The following SMAP1 variants were observed in gnomAD, a reference collection of about 807,000 sequenced individuals.
The protein encoded by SMAP1 is stromal membrane-associated protein 1.
A neutral mutation model predicts 58.5 loss-of-function variants in SMAP1; 24 were observed. That is an observed-to-expected ratio of 0.41 (90% CI 0.30 to 0.58). The LOEUF (loss-of-function observed/expected upper bound fraction) is 0.58, where lower values mean the gene tolerates loss of function less well. Among genes scored for constraint, SMAP1 ranks in the 20% least tolerant of loss-of-function variants. The pLI, the probability that SMAP1 is intolerant of heterozygous loss-of-function variation, is 0.29. For synonymous variants in SMAP1, 216 were observed against 196.6 expected (o/e 1.10, Z -0.82); for missense variants, 563 against 566.3 (o/e 0.99, Z 0.06).
At chr6:70,771,043 A>T (rs1310405566) in intron 3 of SMAP1, among the ~76,000 whole-genome samples, 1 of 152,196 alleles carries the variant, frequency 6.6e-6, no homozygotes. Flanking sequence ...GGGTACCAGC[A>T]GTGGTGGCTA....
chr6:70,704,285 A>G (rs1028413174), intron 1 of SMAP1, among the ~76,000 whole-genome samples: 7 of 152,204 alleles, frequency 4.6e-5, no homozygotes, highest in African/African-American at 4.8e-5. Context: ...TTCTGTTCCA[A>G]TGAAAGCTTG....
At chr6:70,797,905 G>T (rs1415425541) in intron 5 of SMAP1, among the ~76,000 whole-genome samples, 1 of 152,024 alleles carries the variant, frequency 6.6e-6, no homozygotes, top group African/African-American at 2.4e-5. Flanking sequence ...CCTTACGAAT[G>T]CTCTTTGTTT....
chr6:70,730,332 AG>A (rs1765376344), intron 1 of SMAP1, among the ~76,000 whole-genome samples: 2 of 152,186 alleles, frequency 1.3e-5, no homozygotes, highest in African/African-American at 4.8e-5. Context: ...CAGGGATTAT[AG>A]GTGTGAGCCA....
intron 5 of SMAP1, among the ~76,000 whole-genome samples, chr6:70,792,116 A>C (rs1156695075): frequency 6.6e-6 from 1 of 152,148 alleles, no homozygotes; most frequent in African/African-American, 2.4e-5. Context: ...CACTTAAAGA[A>C]AGTTAATGTC....
intron 1 of SMAP1, among the ~76,000 whole-genome samples, chr6:70,692,702 C>T (rs984211145): frequency 1.3e-5 from 2 of 152,028 alleles, no homozygotes; most frequent in African/African-American, 4.8e-5. Context: ...TGTTCTGGGC[C>T]CCTTTGTCAA....
Position 70,668,000 on chromosome 6 carries a change from C to CA in SMAP1, c.-23dup. On this transcript the variant is annotated 5_prime_UTR_variant, in exon 1 of 11. Transcript: ENST00000370455. ...GCGTCCGCCGCCGCCGTAGCTGCCC[C>CA]AGGCTCCCCGCCCCGCTGCCGAGAT... 6.4e-7 allele frequency: 1 copy of CA among 1,566,696 alleles called. No homozygotes were observed. Among genetic ancestry groups the CA allele is most frequent in the African/African-American group, 1.4e-5 (1 of 71,766 alleles).
chr6:70,756,929 A>G (rs1356163510), intron 3 of SMAP1, among the ~76,000 whole-genome samples: 1 of 152,118 alleles, frequency 6.6e-6, no homozygotes, highest in African/African-American at 2.4e-5. Flanking sequence ...ATATCGTGAA[A>G]ATGGCCATAC....
chr6:70,791,656 T>C, intron 4 of SMAP1, 33 bp from the exon 5 acceptor site: 1 of 1,581,556 alleles, frequency 6.3e-7, no homozygotes, highest in South Asian at 1.1e-5. Flanking sequence ...CTTTTTGTTT[T>C]TTTCCTCCTG....
chr6:70,703,065 A>G (rs1158078088), intron 1 of SMAP1, among the ~76,000 whole-genome samples: 1 of 150,086 alleles, frequency 6.7e-6, no homozygotes. Flanking sequence ...TTTATAGATT[A>G]TGTTTTCCTT....
At chr6:70,769,892 G>A (rs1436823820) in intron 3 of SMAP1, among the ~76,000 whole-genome samples, 26 of 151,948 alleles carry the variant, frequency 1.7e-4, no homozygotes, top group South Asian at 6.2e-4. Context: ...GGCTGGTACC[G>A]GTTGTTCCTT....
intron 4 of SMAP1, among the ~76,000 whole-genome samples, chr6:70,787,202 G>T (rs1032846889): frequency 6.6e-6 from 1 of 152,174 alleles, no homozygotes; most frequent in Non-Finnish European, 1.5e-5. Context: ...ATGGGGAAAC[G>T]ATTCCCTTTT....
intron 6 of SMAP1, among the ~76,000 whole-genome samples, chr6:70,806,008 A>C (rs895575874): frequency 6.6e-6 from 1 of 152,190 alleles, no homozygotes. Flanking sequence ...CAGAGCTCAA[A>C]TGCAGTGCTG....
At chr6:70,785,939 C>G (rs1768003873) in intron 4 of SMAP1, among the ~76,000 whole-genome samples, 1 of 152,136 alleles carries the variant, frequency 6.6e-6, no homozygotes, top group Non-Finnish European at 1.5e-5. Flanking sequence ...GGAATCCTCC[C>G]TAACTCATTT....
At chr6:70,788,568 G>A (rs1768189162) in intron 4 of SMAP1, among the ~76,000 whole-genome samples, 1 of 152,112 alleles carries the variant, frequency 6.6e-6, no homozygotes, top group Admixed American at 6.6e-5. Flanking sequence ...CCCAGAGGAA[G>A]CAGTTTTAAC....
In SMAP1 at chr6:70,688,560, C is replaced by G. The variant is rs146952127; in HGVS notation, c.118+20419C>G. Among the ~76,000 whole-genome samples the G allele has an allele frequency of 1.6e-4, 25 of 152,266 alleles. No individual in the cohort carries two copies. The East Asian group carries it at 4.8e-3, about 29-fold the overall frequency. ...CCTAGTGGTTTATGGTGTTGAACAT[C>G]TTTTCATGTGCCAGTTTTCCATCTG... On this transcript the variant is annotated intron_variant, in intron 1 of 10. Transcript: ENST00000370455.
intron 2 of SMAP1, among the ~76,000 whole-genome samples, chr6:70,753,443 T>C (rs755936155): frequency 9.2e-5 from 14 of 152,194 alleles, no homozygotes; most frequent in Non-Finnish European, 2.1e-4. Context: ...AAATGTTTAA[T>C]GTCTTTATGA....
intron 6 of SMAP1, among the ~76,000 whole-genome samples, chr6:70,803,485 T>C (rs1402245574): frequency 6.6e-6 from 1 of 152,206 alleles, no homozygotes; most frequent in Non-Finnish European, 1.5e-5. Context: ...TTTTTGTGTC[T>C]CTATTTCCTT....
At chr6:70,707,888 T>A (rs1017689044) in intron 1 of SMAP1, among the ~76,000 whole-genome samples, 3 of 152,210 alleles carry the variant, frequency 2.0e-5, no homozygotes, top group Non-Finnish European at 4.4e-5. Context: ...GATACACATA[T>A]ATAGTGAAAT....
At chr6:70,734,659 G>T (rs566123472) in intron 2 of SMAP1, 14 of 152,790 alleles carry the variant, frequency 9.2e-5, no homozygotes, top group Non-Finnish European at 1.8e-4. Flanking sequence ...GCTTGCGCAC[G>T]TGCTGGGTAG....
Sources: allele counts gnomAD v4.1 joint callset (sites outside exome capture counted in the v4.1 genomes callset), GRCh38; gene constraint gnomAD v4.1.1; transcripts MANE v1.5; gene names NCBI Gene and HGNC (gene_info 2026-07-23, HGNC 2026-07-21).